Variants in BCL2L1 observed in about 807,000 individuals in gnomAD.
The protein encoded by BCL2L1 is BCL2 like 1.
Under a neutral mutation model 18.7 loss-of-function variants are expected in BCL2L1, and 1 was observed. That is an observed-to-expected ratio of 0.05 (90% CI 0.02 to 0.25). BCL2L1 has a LOEUF of 0.25. BCL2L1 is among the 10% of genes least tolerant of loss of function. The pLI, the probability that BCL2L1 is intolerant of heterozygous loss-of-function variation, is 1.00. For synonymous variants in BCL2L1, 103 were observed against 122.7 expected, an observed-to-expected ratio of 0.84 and a Z score of 1.06; for missense variants, 207 against 304.9, an observed-to-expected ratio of 0.68 and a Z score of 2.39.
At position 31,667,484 on chromosome 20, in the gene BCL2L1, C is replaced by CGTGTGTGTGTGTGTGTGTGTGTGTGT. The variant is rs3073682; in HGVS notation, c.565-1424_565-1399dup. On this transcript the variant is annotated intron_variant, in intron 2 of 2. Transcript: ENST00000307677. ...AAAAAAAAAGGAAGTACCATAGTACCGTGTGTGTGTGTGTGTGTGTGTGTG... is the reference window on the plus strand; with the variant it reads ...AAAAAAAAAGGAAGTACCATAGTACCGTGTGTGTGTGTGTGTGTGTGTGTGTGTGTGTGTGTGTGTGTGTGTGTGTG... Among the ~76,000 whole-genome samples, 66 of 135,324 alleles carry CGTGTGTGTGTGTGTGTGTGTGTGTGT rather than the reference C, an allele frequency of 4.9e-4. 1 individual carries two copies. Among genetic ancestry groups the CGTGTGTGTGTGTGTGTGTGTGTGTGT allele is most frequent in the African/African-American group, 1.3e-3 (41 of 32,720 alleles). 88.8% of individuals were successfully genotyped at this position (135,324 alleles called of 152,430 possible).
chr20:31,697,774 TCTC>T (rs2061199907), intron 2 of BCL2L1, among the ~76,000 whole-genome samples: 1 of 151,952 alleles, frequency 6.6e-6, no homozygotes, highest in East Asian at 1.9e-4. Flanking sequence ...TCAGTTTTCT[TCTC>T]TGTAGAATGT....
chr20:31,674,884 A>AAC (rs1483569552), intron 2 of BCL2L1, among the ~76,000 whole-genome samples: 3 of 151,736 alleles, frequency 2.0e-5, no homozygotes, highest in African/African-American at 7.3e-5. Context: ...CAAAAAAAAA[A>AAC]AAAAAAAAAG....
chr20:31,693,530 G>A (rs915730579), intron 2 of BCL2L1, among the ~76,000 whole-genome samples: 3 of 151,362 alleles, frequency 2.0e-5, no homozygotes, highest in Non-Finnish European at 2.9e-5. Context: ...AGGTACTCAC[G>A]TTTATTTTTG....
At chr20:31,695,476 A>C (rs2061152039) in intron 2 of BCL2L1, among the ~76,000 whole-genome samples, 1 of 152,102 alleles carries the variant, frequency 6.6e-6, no homozygotes, top group African/African-American at 2.4e-5. Context: ...TTTATTTTTT[A>C]ATTTTTTTGA....
chr20:31,672,282 T>C (rs994713347), intron 2 of BCL2L1, among the ~76,000 whole-genome samples: 1 of 151,846 alleles, frequency 6.6e-6, no homozygotes, highest in Non-Finnish European at 1.5e-5. Flanking sequence ...CTGACCAACA[T>C]GGTGAAACCC....
chr20:31,665,363 C>G lies in BCL2L1; in HGVS notation c.*586G>C, dbSNP rs1034853217. ...TTTGGACTGGGAGTGAGGACTCTAG[C>G]CAGTCCAGAGGTGAGGAGGGAGTCC... On this transcript the variant is annotated 3_prime_UTR_variant, in exon 3 of 3. Coordinates refer to ENST00000307677, the MANE Select transcript of BCL2L1 (RefSeq NM_138578.3). 3 of 153,248 alleles carry G rather than the reference C, an allele frequency of 2.0e-5. No individual in the cohort carries two copies. Among genetic ancestry groups the G allele is most frequent in the African/African-American group, 7.2e-5 (3 of 41,404 alleles). The allele number at this position is 153,248 out of a possible 1,614,324, so 9.5% of individuals were successfully genotyped here.
At chr20:31,689,456 G>T (rs2061023777) in intron 2 of BCL2L1, among the ~76,000 whole-genome samples, 1 of 149,766 alleles carries the variant, frequency 6.7e-6, no homozygotes, top group Non-Finnish European at 1.5e-5. Context: ...AAGAAAGAAA[G>T]AAAATAAAAA....
At chr20:31,673,245 T>C (rs1490868001) in intron 2 of BCL2L1, among the ~76,000 whole-genome samples, 2 of 151,944 alleles carry the variant, frequency 1.3e-5, no homozygotes, top group Non-Finnish European at 2.9e-5. Flanking sequence ...GCTAATTTTT[T>C]GTAATTTTAG....
At chr20:31,720,553 C>T (rs1045518394) in intron 2 of BCL2L1, 1 of 985,332 alleles carries the variant, frequency 1.0e-6, no homozygotes, top group Non-Finnish European at 1.2e-6. Flanking sequence ...TCACCACCAT[C>T]TCATCCTGGC....
rs2060720277 is a variant in BCL2L1, at chr20:31,674,245, A to C, written c.565-8159T>G. ...ACACTTCCTGAGCACATACTCTGTAAGGTACTCTTCTTGGTTTTTTTGTAG... is the reference window on the plus strand; with the variant it reads ...ACACTTCCTGAGCACATACTCTGTACGGTACTCTTCTTGGTTTTTTTGTAG... On this transcript the variant is annotated intron_variant, in intron 2 of 2. Coordinates refer to ENST00000307677, the MANE Select transcript of BCL2L1 (RefSeq NM_138578.3). Among the ~76,000 whole-genome samples, 3 of 152,170 alleles carry C rather than the reference A, an allele frequency of 2.0e-5. No homozygotes were observed. The South Asian group carries it at 6.2e-4, about 32-fold the overall frequency.
chr20:31,686,376 TC>T (rs2060955472), intron 2 of BCL2L1: 1 of 152,198 alleles, frequency 6.6e-6, no homozygotes, highest in South Asian at 2.1e-4. Flanking sequence ...AGACCTCAGT[TC>T]ACCCAAGGTA....
chr20:31,715,084 C>T (rs992521135), intron 2 of BCL2L1, among the ~76,000 whole-genome samples: 1 of 152,038 alleles, frequency 6.6e-6, no homozygotes, highest in Admixed American at 6.6e-5. Context: ...ACCATCCTGA[C>T]TAACATGGTG....
chr20:31,680,327 A>G (rs1056093927), intron 2 of BCL2L1, among the ~76,000 whole-genome samples: 1 of 152,176 alleles, frequency 6.6e-6, no homozygotes, highest in Non-Finnish European at 1.5e-5. Context: ...AGAATCTGCT[A>G]TTCTTAGGCC....
chr20:31,707,545 G>A (rs1344375980), intron 2 of BCL2L1, among the ~76,000 whole-genome samples: 3 of 152,134 alleles, frequency 2.0e-5, no homozygotes, highest in Non-Finnish European at 4.4e-5. Context: ...TTGGGAGGCT[G>A]AGGCGGACAG....
chr20:31,708,356 T>G (rs2061402937), intron 2 of BCL2L1, among the ~76,000 whole-genome samples: 1 of 152,348 alleles, frequency 6.6e-6, no homozygotes. Context: ...ATACAGTGTA[T>G]GTCATTCACA....
chr20:31,680,559 G>A (rs2060841263), intron 2 of BCL2L1, among the ~76,000 whole-genome samples: 1 of 152,198 alleles, frequency 6.6e-6, no homozygotes, highest in Admixed American at 6.5e-5. Context: ...CTTTGGTGAA[G>A]CTATTAGATG....
intron 2 of BCL2L1, among the ~76,000 whole-genome samples, chr20:31,684,996 T>G (rs2060930165): frequency 6.6e-6 from 1 of 152,158 alleles, no homozygotes; most frequent in Non-Finnish European, 1.5e-5. Flanking sequence ...GCCTCTAAAT[T>G]TACTGGCTCT....
chr20:31,714,490 G>A (rs921098040), intron 2 of BCL2L1, among the ~76,000 whole-genome samples: 9 of 152,180 alleles, frequency 5.9e-5, no homozygotes, highest in African/African-American at 1.4e-4. Context: ...TCTGACATGC[G>A]TTCTGTGGAA....
chr20:31,713,261 T>C lies in BCL2L1; in HGVS notation c.564+8394A>G, dbSNP rs561261475. ...GGGGTAATGGCCTGGCAGAACCAAG[T>C]AGAAAGGCATTTTCTAAATCTTGAA... On this transcript the variant is annotated intron_variant, in intron 2 of 2. Transcript: ENST00000307677. The C allele has an allele frequency of 6.9e-5, 68 of 984,912 alleles. No homozygotes were observed. In the African/African-American group the frequency reaches 1.2e-3, roughly 17 times the overall value. 61.0% of individuals were successfully genotyped at this position (984,912 alleles called of 1,614,324 possible). A position where few individuals can be genotyped will look rare whatever the true frequency, so the allele number is the denominator to read the frequency against.
Sources: gnomAD v4.1 joint callset for allele counts (sites outside exome capture counted in the v4.1 genomes callset) on GRCh38, gnomAD v4.1.1 for gene constraint, MANE v1.5 for transcripts, NCBI Gene and HGNC (gene_info 2026-07-23, HGNC 2026-07-21) for gene names.